The following NSUN2 variants were observed in gnomAD, a reference collection of about 807,000 sequenced individuals.
NSUN2 encodes NOP2/Sun RNA methyltransferase 2, also known as RNA cytosine C(5)-methyltransferase NSUN2.
Under a neutral mutation model 92.7 loss-of-function variants are expected in NSUN2, and 63 were observed. That is an observed-to-expected ratio of 0.68 (90% CI 0.56 to 0.84). The LOEUF is 0.84. NSUN2 is among the 40% of genes least tolerant of loss of function. NSUN2 has a pLI of 0.00. For synonymous variants in NSUN2, 356 were observed against 348.3 expected (o/e 1.02, Z -0.25); for missense variants, 989 against 964.9 (o/e 1.02, Z -0.33).
At chr5:6,631,756 TG>T (rs1227644601) in intron 3 of NSUN2, 116 bp downstream of exon 3, 1 of 735,530 alleles carries the variant, frequency 1.4e-6, no homozygotes, top group Non-Finnish European at 2.3e-6. Context: ...AACATTAGGA[TG>T]TTTGCAAAGT....
chr5:6,621,783 G>C (rs1737456632), intron 6 of NSUN2: 1 of 407,552 alleles, frequency 2.5e-6, no homozygotes, highest in African/African-American at 2.1e-5. Flanking sequence ...CGTTTTTATA[G>C]AAAACACACA....
At chr5:6,623,058 A>T (rs1737516666) in intron 5 of NSUN2, among the ~76,000 whole-genome samples, 156 bp downstream of exon 5, 1 of 151,156 alleles carries the variant, frequency 6.6e-6, no homozygotes, top group Admixed American at 6.6e-5. Flanking sequence ...AAAAAAAAAA[A>T]AAGAAACTAA....
At chr5:6,608,447 T>C (rs1444954332) in intron 12 of NSUN2, among the ~76,000 whole-genome samples, 1 of 152,216 alleles carries the variant, frequency 6.6e-6, no homozygotes, top group Non-Finnish European at 1.5e-5. Flanking sequence ...ATGGAGACTC[T>C]ACCTGCGTTC....
chr5:6,624,375 T>G (rs1340029214), intron 4 of NSUN2, among the ~76,000 whole-genome samples: 1 of 152,122 alleles, frequency 6.6e-6, no homozygotes, highest in African/African-American at 2.4e-5. Flanking sequence ...TCTCAAGAGC[T>G]CTCATCACGC....
chr5:6,611,155 G>T (rs73737136), intron 10 of NSUN2, 70 bp from the exon 11 acceptor site: 2 of 1,543,250 alleles, frequency 1.3e-6, no homozygotes, highest in Non-Finnish European at 1.8e-6. Context: ...CAGGGCAGGA[G>T]TATCCATTCT....
At chr5:6,602,900 A>C (rs986672793) in intron 17 of NSUN2, among the ~76,000 whole-genome samples, 3 of 152,260 alleles carry the variant, frequency 2.0e-5, no homozygotes, top group Non-Finnish European at 4.4e-5. Context: ...GCAATCATCT[A>C]AGTGCAGGAT....
chr5:6,618,840 CCT>C (rs779488976), intron 7 of NSUN2, among the ~76,000 whole-genome samples: 20 of 152,112 alleles, frequency 1.3e-4, no homozygotes, highest in Non-Finnish European at 2.5e-4. Context: ...GAAGGTAACG[CCT>C]GTTTTTGTTG....
At chr5:6,621,771 T>C in intron 6 of NSUN2, 2 of 395,014 alleles carry the variant, frequency 5.1e-6, no homozygotes, top group South Asian at 8.4e-5. Context: ...AGAAATGCCA[T>C]TCGTTTTTAT....
intron 3 of NSUN2, among the ~76,000 whole-genome samples, chr5:6,625,966 G>A (rs745700473): frequency 1.1e-4 from 16 of 151,968 alleles, no homozygotes; most frequent in South Asian, 2.1e-4. Flanking sequence ...ATGAAAAAGC[G>A]GACACTCCTC....
At chr5:6,628,585 G>A (rs1295868063) in intron 3 of NSUN2, among the ~76,000 whole-genome samples, 4 of 152,192 alleles carry the variant, frequency 2.6e-5, no homozygotes, top group Admixed American at 2.0e-4. Context: ...TGTACCAGAG[G>A]ATTGGGAAGA....
chr5:6,623,313 A>C (rs1413533542), intron 4 of NSUN2, 28 bp from the exon 5 acceptor site: 2 of 1,468,052 alleles, frequency 1.4e-6, no homozygotes. Context: ...AATCAGCAAC[A>C]ATTAGGAAAA....
intron 13 of NSUN2, 32 bp downstream of exon 13, chr5:6,607,168 G>T (rs767706698): frequency 6.2e-6 from 10 of 1,603,352 alleles, no homozygotes; most frequent in Middle Eastern, 1.7e-4. Context: ...AGACACCAGC[G>T]TATTAGATCA....
rs141802308 is a variant in NSUN2, at chr5:6,618,018, G to A, written c.822C>T (p.Asp274=). The change falls in exon 8 of 19, where the codon GAC becomes GAT. Residue 274 remains aspartate, a synonymous_variant. Transcript: ENST00000264670. ...RILCDVPCSG[D]GTMRKNIDVW... Reference sequence around the variant, plus strand: ...CATCAATGTTTTTTCTCATAGTGCCGTCTCCACTGGAAAAAAGATATTTAT... The same window carrying A: ...CATCAATGTTTTTTCTCATAGTGCCATCTCCACTGGAAAAAAGATATTTAT... The A allele has an allele frequency of 5.0e-6, 8 of 1,612,128 alleles. No homozygotes were observed. Among genetic ancestry groups the A allele is most frequent in the South Asian group, 1.1e-5 (1 of 90,980 alleles).
chr5:6,628,020 T>C (rs990854865), intron 3 of NSUN2, among the ~76,000 whole-genome samples: 1 of 152,166 alleles, frequency 6.6e-6, no homozygotes, highest in Non-Finnish European at 1.5e-5. Context: ...ATATACAACA[T>C]CTATGACAAA....
rs760562659 is a variant in NSUN2, at chr5:6,600,065, G to C, written c.2165C>G (p.Ala722Gly). The stretch of plus-strand genomic sequence containing the variant: ...ATTGTCTGGCTGTCCGGTGCTGGCT[G>C]CACTCTCATTTGTGAGGATAACCCC... ...KEGVILTNESAASTGQPDNDV... is the reference protein window; with the variant it reads ...KEGVILTNESGASTGQPDNDV... Residue 722 changes from alanine to glycine, a missense_variant, in exon 19 of 19, where the codon GCA becomes GGA. Around this residue, in one of 3 missense-constraint regions of NSUN2, gnomAD observed 626 missense variants for 602.3 expected, o/e 1.04. Coordinates refer to ENST00000264670, the MANE Select transcript of NSUN2 (RefSeq NM_017755.6). 3.7e-6 allele frequency: 6 copies of C among 1,614,252 alleles called. No homozygotes were observed. The South Asian group carries it at 6.6e-5, about 18-fold the overall frequency.
At chr5:6,624,410 T>A (rs766062909) in intron 4 of NSUN2, among the ~76,000 whole-genome samples, 1 of 152,146 alleles carries the variant, frequency 6.6e-6, no homozygotes, top group Non-Finnish European at 1.5e-5. Context: ...AAACCTATAC[T>A]AGTTCCCTAC....
intron 9 of NSUN2, among the ~76,000 whole-genome samples, chr5:6,613,370 T>C (rs1737078497): frequency 6.6e-6 from 1 of 152,222 alleles, no homozygotes; most frequent in South Asian, 2.1e-4. Flanking sequence ...TTTCTAAATA[T>C]GAATGCCCTT....
At chr5:6,604,732 C>CCG in intron 15 of NSUN2, 47 bp from the exon 16 acceptor site, 1 of 1,475,774 alleles carries the variant, frequency 6.8e-7, no homozygotes, top group Middle Eastern at 1.7e-4. Flanking sequence ...GAAGACAGGA[C>CCG]CATCTCCTGT....
chr5:6,616,927 T>C, intron 8 of NSUN2, 70 bp from the exon 9 acceptor site: 2 of 1,350,932 alleles, frequency 1.5e-6, no homozygotes, highest in Non-Finnish European at 2.0e-6. Context: ...AAGCACCTCC[T>C]TATGTCACAT....
Sources: allele counts gnomAD v4.1 joint callset (sites outside exome capture counted in the v4.1 genomes callset), GRCh38; gene constraint gnomAD v4.1.1; regional missense constraint gnomAD v4.1.1; transcripts MANE v1.5; gene names NCBI Gene and HGNC (gene_info 2026-07-23, HGNC 2026-07-21).